Variants in CELA1 observed in about 807,000 individuals in gnomAD.
CELA1 encodes the protein chymotrypsin-like elastase family member 1.
A neutral mutation model predicts 34.8 loss-of-function variants in CELA1; 28 were observed. The ratio of observed to expected loss-of-function variants is 0.80; its 90% CI spans 0.60 to 1.10. The LOEUF (loss-of-function observed/expected upper bound fraction) is 1.10, where lower values mean the gene tolerates loss of function less well. Ranked by LOEUF, CELA1 falls within the 50% of genes least tolerant of loss-of-function variation. The probability of loss-of-function intolerance (pLI) is 0.00; values close to 1 mark genes in which losing one functional copy is unlikely to be tolerated. For missense variants in CELA1, 288 were observed against 327.5 expected (o/e 0.88, Z 0.93); for synonymous variants, 140 against 129.8 (o/e 1.08, Z -0.53).
chr12:51,345,784 G>A lies in CELA1; in HGVS notation c.99+11C>T. On this transcript the variant is annotated intron_variant, in intron 2 of 7. Transcript: ENST00000293636. ...TTGGGTGGAAGTCTGGGGCTGGGAA[G>A]GAACACCCACCTGAGAGGGCCAGGA... 2 of 1,549,528 alleles carry A rather than the reference G, an allele frequency of 1.3e-6. No individual in the cohort carries two copies. The highest frequency in any genetic ancestry group is 2.4e-5 in the South Asian group (2 of 84,108).
chr12:51,335,629 C>CTT lies in CELA1; in HGVS notation c.609+4229_609+4230dup, dbSNP rs11410624. Among the ~76,000 whole-genome samples the CTT allele has an allele frequency of 6.6e-4, 90 of 135,362 alleles. 1 individual carries two copies. Among genetic ancestry groups the CTT allele is most frequent in the Middle Eastern group, 8.6e-3 (2 of 232 alleles). 88.8% of individuals were successfully genotyped at this position (135,362 alleles called of 152,430 possible). A position where few individuals can be genotyped will look rare whatever the true frequency, so the allele number is the denominator to read the frequency against. On this transcript the variant is annotated intron_variant, in intron 6 of 7. Coordinates refer to ENST00000293636, the MANE Select transcript of CELA1 (RefSeq NM_001971.6). ...AGCTACCAGACTTTTTTTGTTCTTCCTTTTTTTTTTTTTTTGTCCTCTTTT... is the reference window on the plus strand; with the variant it reads ...AGCTACCAGACTTTTTTTGTTCTTCCTTTTTTTTTTTTTTTTTGTCCTCTTTT...
Position 51,329,784 on chromosome 12 carries a change from A to C in CELA1, c.659T>G (p.Val220Gly), listed in dbSNP as rs1946458251. Residue 220 changes from valine (V) to glycine (G), a missense_variant, in exon 7 of 8, where the codon GTC (valine) becomes GGC (glycine). Val to Gly is a moderately radical substitution (Grantham distance 109). Transcript: ENST00000293636. Reference sequence around the variant, plus strand: ...GGACACAAAGCTGGTCACTCCATGGACAGAATACTTGCCATTCACCAAGCA... The same window carrying C: ...GGACACAAAGCTGGTCACTCCATGGCCAGAATACTTGCCATTCACCAAGCA... ...LHCLVNGKYS[V>G]HGVTSFVSSR... 1.2e-6 allele frequency: 2 copies of C among 1,613,376 alleles called. No individual in the cohort carries two copies. Among genetic ancestry groups the C allele is most frequent in the Non-Finnish European group, 1.7e-6 (2 of 1,179,828 alleles).
At chr12:51,341,213 G>A (rs778477860) in intron 5 of CELA1, 31 bp downstream of exon 5, 7 of 1,612,802 alleles carry the variant, frequency 4.3e-6, no homozygotes, top group Middle Eastern at 3.3e-4. Flanking sequence ...CAAGATCCCC[G>A]TGGTGGATTG....
rs2137480942 is a variant in CELA1, at chr12:51,339,854, G to A, written c.609+6C>T. 3.7e-6 allele frequency: 6 copies of A among 1,606,658 alleles called. No homozygotes were observed. The highest frequency in any genetic ancestry group is 5.1e-6 in the Non-Finnish European group (6 of 1,176,270). ...ACCTGGGGTGGGACCCCCTGCAAATGTTCACCTGGCATCCAGAGCGAACTC... is the reference window on the plus strand; with the variant it reads ...ACCTGGGGTGGGACCCCCTGCAAATATTCACCTGGCATCCAGAGCGAACTC... On this transcript the variant is annotated splice_donor_region_variant and intron_variant, in intron 6 of 7. Transcript: ENST00000293636.
At chr12:51,329,035 G>C (rs906083263) in intron 7 of CELA1, among the ~76,000 whole-genome samples, 1 of 152,042 alleles carries the variant, frequency 6.6e-6, no homozygotes, top group Non-Finnish European at 1.5e-5. Flanking sequence ...TGGATCACTT[G>C]AGGTCAGGAG....
At chr12:51,332,187 TAA>T (rs35398341) in intron 6 of CELA1, among the ~76,000 whole-genome samples, 161 of 140,140 alleles carry the variant, frequency 1.1e-3, no homozygotes, top group African/African-American at 1.6e-3. Flanking sequence ...CCTGTCTCTT[TAA>T]AAAAAAAAAA....
chr12:51,341,273 C>G lies in CELA1; in HGVS notation c.434G>C (p.Cys145Ser), dbSNP rs918721251. The change falls in exon 5 of 8, where the codon TGC (cysteine) becomes TCC (serine). Residue 145 changes from cysteine to serine, a missense_variant. Cys to Ser is a moderately radical substitution (Grantham distance 112). Coordinates refer to ENST00000293636, the MANE Select transcript of CELA1 (RefSeq NM_001971.6). ...GGTCTTGCCCCAGCCTGTGATGTAGCAGGGACTGTTGTTAGCCAGGATGGC... is the reference window on the plus strand; with the variant it reads ...GGTCTTGCCCCAGCCTGTGATGTAGGAGGGACTGTTGTTAGCCAGGATGGC... Reference protein sequence around the residue: ...EGAILANNSPCYITGWGKTKT... With the variant: ...EGAILANNSPSYITGWGKTKT... The G allele has an allele frequency of 3.7e-6, 6 of 1,614,062 alleles. No individual in the cohort carries two copies. The highest frequency in any genetic ancestry group is 5.1e-6 in the Non-Finnish European group (6 of 1,180,046).
intron 5 of CELA1, 46 bp from the exon 6 acceptor site, chr12:51,340,051 A>G (rs780599851): frequency 7.6e-6 from 12 of 1,572,762 alleles, no homozygotes; most frequent in Middle Eastern, 1.7e-4. Flanking sequence ...GATGTGGTCC[A>G]GCAGAAAAAC....
rs12580621 is a variant in CELA1 at position 51,339,238 on chromosome 12, G to A, written c.609+622C>T. ...CCACCTGTCCAGGCTCAGCTGCATC[G>A]CTGCCATTAAAAAATCTAGGTAACA... is the stretch of plus-strand genomic sequence containing the variant. On this transcript the variant is annotated intron_variant, in intron 6 of 7. Transcript: ENST00000293636. Among the ~76,000 whole-genome samples the A allele has an allele frequency of 8.6e-3, 1,303 of 151,116 alleles. 53 individuals are homozygous for A. The East Asian group carries it at 0.14, about 17-fold the overall frequency.
Position 51,328,516 on chromosome 12 carries a change from C to T in CELA1, c.*61G>A. On this transcript the variant is annotated 3_prime_UTR_variant, in exon 8 of 8. Coordinates refer to ENST00000293636, the MANE Select transcript of CELA1 (RefSeq NM_001971.6). ...TTCAGAATGTGTTTTACTTTTTGAT[C>T]GCAAGTCCTACTGCAGATCTAAGAA... 3 of 1,567,814 alleles carry T rather than the reference C, an allele frequency of 1.9e-6. No individual in the cohort carries two copies. The highest frequency in any genetic ancestry group is 2.2e-5 in the East Asian group (1 of 44,642).
chr12:51,345,456 G>A (rs1392665215), intron 2 of CELA1, among the ~76,000 whole-genome samples: 1 of 152,218 alleles, frequency 6.6e-6, no homozygotes, highest in Non-Finnish European at 1.5e-5. Context: ...AGTGTGGAGT[G>A]GTGTGCGTGT....
intron 6 of CELA1, among the ~76,000 whole-genome samples, chr12:51,336,767 G>A (rs1224746126): frequency 6.6e-6 from 1 of 152,152 alleles, no homozygotes; most frequent in African/African-American, 2.4e-5. Flanking sequence ...GGGCAACAGT[G>A]CCCTCCCCCA....
intron 6 of CELA1, among the ~76,000 whole-genome samples, chr12:51,330,598 A>G (rs1348587503): frequency 6.6e-6 from 1 of 152,196 alleles, no homozygotes; most frequent in African/African-American, 2.4e-5. Context: ...AGAGCTACCA[A>G]TCAGCCCACC....
chr12:51,342,686 C>G lies in CELA1; in HGVS notation c.215G>C (p.Arg72Pro), dbSNP rs761551489. ...AHCVDYQKTF[R>P]VVAGDHNLSQ... ...CAGGTTATGGTCTCCAGCCACCACG[C>G]GGAAAGTCTTCTGGCTGGCGTGAGA... The change falls in exon 4 of 8, where the codon CGC becomes CCC. Residue 72 changes from arginine (R) to proline (P), a missense_variant. Transcript: ENST00000293636. The G allele has an allele frequency of 3.7e-6, 6 of 1,614,086 alleles. No homozygotes were observed. The highest frequency in any genetic ancestry group is 1.1e-5 in the South Asian group (1 of 91,078).
In CELA1 at chr12:51,346,631, AC is replaced by A. The variant is rs780197913; in HGVS notation, c.7del (p.Val3SerfsTer17). Reference sequence around the variant, plus strand: ...GGACCATATCCACTTACCATAAAGGACCAGCATGTTGCCGATGGAGTAGACC... The same window carrying A: ...GGACCATATCCACTTACCATAAAGGACAGCATGTTGCCGATGGAGTAGACC... ML[V>X]LYGHSTQDLP... On this transcript the variant is annotated frameshift_variant, in exon 1 of 8. Coordinates refer to ENST00000293636, the MANE Select transcript of CELA1 (RefSeq NM_001971.6). LOFTEE classifies it high-confidence loss of function. 87 of 1,577,522 alleles carry A rather than the reference AC, an allele frequency of 5.5e-5. No homozygotes were observed. In the African/African-American group the frequency reaches 1.1e-3, roughly 20 times the overall value.
rs541880635 is a variant in CELA1, at chr12:51,342,934, C to T, written c.201-234G>A. 7.9e-5 allele frequency among the ~76,000 whole-genome samples: 12 copies of T among 151,902 alleles called. 1 individual carries two copies. The South Asian group carries it at 1.5e-3, about 18-fold the overall frequency. On this transcript the variant is annotated intron_variant, in intron 3 of 7. Transcript: ENST00000293636. ...AGCTGGGACTACAGGTGTGAGCCAC[C>T]GTGCCCAGGTTTTGTTTATTATTTT... is the stretch of plus-strand genomic sequence containing the variant.
At chr12:51,345,175 C>G (rs1946558969) in intron 2 of CELA1, among the ~76,000 whole-genome samples, 1 of 151,978 alleles carries the variant, frequency 6.6e-6, no homozygotes, top group Non-Finnish European at 1.5e-5. Flanking sequence ...GTTCATGTCT[C>G]TTCTTCTAGC....
rs776702438 is a variant in CELA1 at position 51,340,746 on chromosome 12, C to T, written c.463+498G>A. On this transcript the variant is annotated intron_variant, in intron 5 of 7. Coordinates refer to ENST00000293636, the MANE Select transcript of CELA1 (RefSeq NM_001971.6). Reference sequence around the variant, plus strand: ...GCTGGCTGGCTGCAGTGGCACATGCCTGTAATCCCAGCACTTTGGGAGGCC... The same window carrying T: ...GCTGGCTGGCTGCAGTGGCACATGCTTGTAATCCCAGCACTTTGGGAGGCC... 5.3e-5 allele frequency among the ~76,000 whole-genome samples: 8 copies of T among 152,288 alleles called. No homozygotes were observed. In the East Asian group the frequency reaches 1.2e-3, roughly 22 times the overall value.
At chr12:51,330,623 A>G (rs1946463726) in intron 6 of CELA1, among the ~76,000 whole-genome samples, 1 of 152,200 alleles carries the variant, frequency 6.6e-6, no homozygotes, top group African/African-American at 2.4e-5. Flanking sequence ...CTGGGTAAAA[A>G]TACCACCCCC....
Sources: allele counts gnomAD v4.1 joint callset (sites outside exome capture counted in the v4.1 genomes callset), GRCh38; gene constraint gnomAD v4.1.1; transcripts MANE v1.5; gene names NCBI Gene and HGNC (gene_info 2026-07-23, HGNC 2026-07-21).